The following APBB2 variants were observed in gnomAD, a reference collection of about 807,000 sequenced individuals.
The protein encoded by APBB2 is amyloid beta precursor protein binding family B member 2.
A neutral mutation model predicts 82.5 loss-of-function variants in APBB2; 38 were observed. That is an observed-to-expected ratio of 0.46 (90% CI 0.36 to 0.60). APBB2 has a LOEUF of 0.60. APBB2 is among the 20% of genes least tolerant of loss of function. The pLI, the probability that APBB2 is intolerant of heterozygous loss-of-function variation, is 0.00. For synonymous variants in APBB2, 341 were observed against 368.2 expected (o/e 0.93, Z 0.85); for missense variants, 772 against 972.3 (o/e 0.79, Z 2.74).
At chr4:40,915,027 G>A (rs1427479564) in intron 10 of APBB2, among the ~76,000 whole-genome samples, 1 of 152,176 alleles carries the variant, frequency 6.6e-6, no homozygotes, top group Non-Finnish European at 1.5e-5. Context: ...GGAGGGAGAA[G>A]GGTTTGGGCT....
intron 3 of APBB2, among the ~76,000 whole-genome samples, chr4:41,086,940 ACACAC>A (rs764260779): frequency 0.041 from 6,189 of 150,926 alleles, 171 homozygotes; most frequent in African/African-American, 0.072. Flanking sequence ...ACACACACAC[ACACAC>A]ACACAAAAAA....
At chr4:40,872,995 G>A (rs1320110298) in intron 12 of APBB2, among the ~76,000 whole-genome samples, 27 of 151,670 alleles carry the variant, frequency 1.8e-4, no homozygotes, top group Non-Finnish European at 1.5e-5. Flanking sequence ...GGCTGAGGCA[G>A]GAGAACTGCT....
chr4:41,205,521 T>C (rs1052015922), intron 1 of APBB2, among the ~76,000 whole-genome samples: 5 of 152,068 alleles, frequency 3.3e-5, no homozygotes, highest in African/African-American at 1.2e-4. Flanking sequence ...GGCAAAGCTA[T>C]TAAAAATCTC....
At chr4:41,096,726 T>C (rs1743584271) in intron 3 of APBB2, among the ~76,000 whole-genome samples, 1 of 152,248 alleles carries the variant, frequency 6.6e-6, no homozygotes, top group Non-Finnish European at 1.5e-5. Context: ...TCCTAACTTA[T>C]TTTGAAAGGT....
At chr4:41,025,056 C>T (rs957384121) in intron 5 of APBB2, among the ~76,000 whole-genome samples, 1 of 152,204 alleles carries the variant, frequency 6.6e-6, no homozygotes, top group African/African-American at 2.4e-5. Context: ...TGTCTTTGTT[C>T]CAGGCCCAGT....
intron 1 of APBB2, among the ~76,000 whole-genome samples, chr4:41,189,535 G>C (rs938784504): frequency 4.6e-5 from 7 of 152,174 alleles, no homozygotes; most frequent in South Asian, 4.1e-4. Flanking sequence ...GAGCATTACA[G>C]TGACAGTAAA....
At chr4:40,949,876 T>C (rs1789593805) in intron 6 of APBB2, among the ~76,000 whole-genome samples, 1 of 152,180 alleles carries the variant, frequency 6.6e-6, no homozygotes, top group Non-Finnish European at 1.5e-5. Context: ...TAGTTTGCTG[T>C]GGGAATACCT....
chr4:40,980,652 T>C (rs1425747073), intron 6 of APBB2, among the ~76,000 whole-genome samples: 1 of 152,220 alleles, frequency 6.6e-6, no homozygotes, highest in Non-Finnish European at 1.5e-5. Context: ...TAAAGTTAGA[T>C]AGATCTCTTC....
intron 4 of APBB2, among the ~76,000 whole-genome samples, chr4:41,038,005 T>C (rs1719918103): frequency 6.6e-6 from 1 of 152,140 alleles, no homozygotes; most frequent in Non-Finnish European, 1.5e-5. Context: ...AGAATACAGT[T>C]GTGATTTTGG....
intron 1 of APBB2, among the ~76,000 whole-genome samples, chr4:41,159,065 A>G (rs1764184972): frequency 6.6e-6 from 1 of 152,196 alleles, no homozygotes; most frequent in Non-Finnish European, 1.5e-5. Flanking sequence ...GTTGTACTGA[A>G]CCACAATCAG....
At chr4:40,842,372 C>T (rs899698522) in intron 12 of APBB2, 3 of 455,660 alleles carry the variant, frequency 6.6e-6, no homozygotes, top group African/African-American at 6.0e-5. Flanking sequence ...CCGGTTACCT[C>T]TCTCTGAATC....
chr4:41,206,557 G>C (rs1206036432), intron 1 of APBB2, among the ~76,000 whole-genome samples: 2 of 152,250 alleles, frequency 1.3e-5, no homozygotes, highest in African/African-American at 4.8e-5. Flanking sequence ...GAGAGGACAA[G>C]AGGTTCTGAT....
intron 12 of APBB2, among the ~76,000 whole-genome samples, chr4:40,835,871 G>C (rs1183643113): frequency 6.6e-6 from 1 of 152,212 alleles, no homozygotes; most frequent in African/African-American, 2.4e-5. Context: ...AGGATAGCTG[G>C]CAGGAGTGGC....
intron 6 of APBB2, among the ~76,000 whole-genome samples, chr4:40,948,890 CAAAAAAAAAAAAAAA>C (rs59172492): frequency 3.9e-5 from 4 of 101,614 alleles, no homozygotes; most frequent in African/African-American, 1.6e-4. Flanking sequence ...ATCCTGTCTC[CAAAAAAAAAAAAAAA>C]AAAAAAAAAA....
intron 10 of APBB2, among the ~76,000 whole-genome samples, chr4:40,899,887 G>A (rs1184604305): frequency 1.3e-5 from 2 of 152,182 alleles, no homozygotes; most frequent in Non-Finnish European, 2.9e-5. Context: ...CCAGTGAGCC[G>A]TGGGATACAG....
intron 11 of APBB2, among the ~76,000 whole-genome samples, chr4:40,891,190 T>C (rs1771916316): frequency 6.6e-6 from 1 of 152,240 alleles, no homozygotes; most frequent in Non-Finnish European, 1.5e-5. Context: ...CTGTGGGTGC[T>C]GCTGGGATCC....
At chr4:40,963,896 T>C (rs4861075) in intron 6 of APBB2, among the ~76,000 whole-genome samples, 61,815 of 152,032 alleles carry the variant, frequency 0.41, 13,383 homozygotes, top group South Asian at 0.58. Flanking sequence ...CCCTTCTCTT[T>C]AGAAAATATT....
chr4:40,925,166 G>A (rs1485006581), intron 10 of APBB2, among the ~76,000 whole-genome samples: 4 of 152,144 alleles, frequency 2.6e-5, no homozygotes. Flanking sequence ...ACAGTGCATT[G>A]AATTTGCTTG....
intron 12 of APBB2, among the ~76,000 whole-genome samples, chr4:40,883,653 A>G (rs1290802078): frequency 6.6e-6 from 1 of 150,780 alleles, no homozygotes; most frequent in African/African-American, 2.4e-5. Flanking sequence ...CCGTGCTTTC[A>G]GGGACCCCCG....
Sources: allele counts gnomAD v4.1 joint callset (sites outside exome capture counted in the v4.1 genomes callset), GRCh38; gene constraint gnomAD v4.1.1; transcripts MANE v1.5; gene names NCBI Gene and HGNC (gene_info 2026-07-23, HGNC 2026-07-21).